FBXO36: variants seen among roughly 807,000 people sequenced by gnomAD.
FBXO36 encodes the protein F-box protein 36, also known as F-box only protein 36.
In FBXO36, 18 loss-of-function variants were observed where a neutral mutation model predicts 17.0. The observed-to-expected ratio is 1.06, with a 90% CI of 0.73 to 1.57. The LOEUF (loss-of-function observed/expected upper bound fraction) is 1.57. FBXO36 is among the 40% of genes most tolerant of loss of function. The pLI is 0.00. For missense variants in FBXO36, 229 were observed against 221.9 expected, an observed-to-expected ratio of 1.03 and a Z score of -0.20; for synonymous variants, 83 against 85.3, an observed-to-expected ratio of 0.97 and a Z score of 0.15.
intron 3 of FBXO36, among the ~76,000 whole-genome samples, chr2:230,007,441 C>T (rs1401860003): frequency 6.6e-6 from 1 of 152,112 alleles, no homozygotes; most frequent in African/African-American, 2.4e-5. Flanking sequence ...ATTCCCATGT[C>T]TGGCCAAGCA....
intron 2 of FBXO36, among the ~76,000 whole-genome samples, chr2:229,984,826 A>AT (rs1224240782): frequency 6.6e-6 from 1 of 152,080 alleles, no homozygotes; most frequent in Non-Finnish European, 1.5e-5. Context: ...ATTGATGGGC[A>AT]TTTTCGGATG....
intron 2 of FBXO36, among the ~76,000 whole-genome samples, chr2:229,983,289 C>T (rs2077250468): frequency 6.6e-6 from 1 of 151,890 alleles, no homozygotes; most frequent in South Asian, 2.1e-4. Flanking sequence ...GCAGGAGAAT[C>T]GCTTGAACCT....
chr2:229,947,629 T>C (rs2077034130), intron 1 of FBXO36, among the ~76,000 whole-genome samples: 1 of 152,194 alleles, frequency 6.6e-6, no homozygotes, highest in South Asian at 2.1e-4. Flanking sequence ...TTTGTCATGA[T>C]CCTCTAAAGT....
chr2:229,923,610 A>G (rs1238320869), intron 1 of FBXO36, among the ~76,000 whole-genome samples: 2 of 151,820 alleles, frequency 1.3e-5, no homozygotes, highest in African/African-American at 4.8e-5. Flanking sequence ...TAAAATATAA[A>G]TGTTAATATA....
chr2:230,008,352 C>G (rs1254420386), intron 3 of FBXO36, among the ~76,000 whole-genome samples: 1 of 152,066 alleles, frequency 6.6e-6, no homozygotes, highest in Non-Finnish European at 1.5e-5. Context: ...ATTCATGCAC[C>G]ACCACCGGGG....
intron 3 of FBXO36, among the ~76,000 whole-genome samples, chr2:230,007,084 G>T (rs1402882034): frequency 6.6e-6 from 1 of 152,246 alleles, no homozygotes; most frequent in Non-Finnish European, 1.5e-5. Flanking sequence ...CACCTGTCAG[G>T]GTGGGGCCAG....
chr2:229,997,577 CAAA>C (rs34921072), intron 3 of FBXO36, among the ~76,000 whole-genome samples: 12 of 94,398 alleles, frequency 1.3e-4, no homozygotes, highest in Admixed American at 1.2e-4. Flanking sequence ...GACTCTGACT[CAAA>C]AAAAAAAAAA....
At chr2:229,971,119 C>T (rs1050140132) in intron 1 of FBXO36, among the ~76,000 whole-genome samples, 4 of 152,030 alleles carry the variant, frequency 2.6e-5, no homozygotes, top group Non-Finnish European at 4.4e-5. Context: ...TTTGGTAGGC[C>T]GAGGCGGGCA....
At chr2:229,976,813 C>T (rs2077211221) in intron 2 of FBXO36, 1 of 151,166 alleles carries the variant, frequency 6.6e-6, no homozygotes, top group Non-Finnish European at 1.5e-5. Flanking sequence ...GAACAAAATT[C>T]TGTCTTAAAA....
chr2:229,998,800 A>ATT (rs1157314161), intron 3 of FBXO36, among the ~76,000 whole-genome samples: 29 of 132,176 alleles, frequency 2.2e-4, no homozygotes, highest in Non-Finnish European at 3.1e-4. Flanking sequence ...AAAAAACATA[A>ATT]TTTTTTTTTT....
chr2:229,971,953 C>T (rs1464034180), intron 1 of FBXO36, among the ~76,000 whole-genome samples: 4 of 150,844 alleles, frequency 2.7e-5, no homozygotes. Context: ...GCTGGGATTG[C>T]AGACATGAGC....
In FBXO36 at chr2:229,922,660, G is replaced by A. The variant is rs376734071; in HGVS notation, c.96+51G>A. 302 of 1,588,674 alleles carry A rather than the reference G, an allele frequency of 1.9e-4. No individual in the cohort carries two copies. The African/African-American group carries it at 3.1e-3, about 16-fold the overall frequency. ...CTCTCCTAACTCCCTACCTGGCCCG[G>A]TTGGGGCCCGGGACGCAGGCTGTGC... On this transcript the variant is annotated intron_variant, in intron 1 of 3. Coordinates refer to ENST00000283946, the MANE Select transcript of FBXO36 (RefSeq NM_174899.5).
At chr2:230,003,693 C>T (rs150192566) in intron 3 of FBXO36, among the ~76,000 whole-genome samples, 11 of 152,262 alleles carry the variant, frequency 7.2e-5, no homozygotes, top group South Asian at 6.2e-4. Flanking sequence ...CCACCACACC[C>T]GGCTAATTTT....
chr2:229,924,301 C>T (rs1314758948), intron 1 of FBXO36, among the ~76,000 whole-genome samples: 1 of 151,930 alleles, frequency 6.6e-6, no homozygotes, highest in Admixed American at 6.6e-5. Context: ...CCATTTTGGC[C>T]AGAGTGGTCT....
intron 1 of FBXO36, among the ~76,000 whole-genome samples, chr2:229,925,569 A>G (rs564878997): frequency 1.5e-4 from 23 of 152,016 alleles, no homozygotes; most frequent in African/African-American, 4.6e-4. Context: ...TTAATGTTGT[A>G]TATTATCCAA....
At position 230,010,761 on chromosome 2, in the gene FBXO36, C is replaced by T. The variant is rs575074627; in HGVS notation, c.444C>T (p.Asp148=). ...VQSTCDTITP[D]VRALAEDTGW... ...CGACCTGCGACACCATCACTCCTGA[C>T]GTGAGGGCCCTGGCGGAGGACACAG... The change falls in exon 4 of 4, where the codon GAC becomes GAT. Residue 148 remains aspartate, a synonymous_variant. Coordinates refer to ENST00000283946, the MANE Select transcript of FBXO36 (RefSeq NM_174899.5). 153 of 1,613,954 alleles carry T rather than the reference C, an allele frequency of 9.5e-5. No individual in the cohort carries two copies. The highest frequency in any genetic ancestry group is 4.2e-4 in the Admixed American group (25 of 60,012).
intron 2 of FBXO36, among the ~76,000 whole-genome samples, chr2:229,981,643 A>G (rs2077240432): frequency 6.9e-6 from 1 of 145,850 alleles, no homozygotes; most frequent in Non-Finnish European, 1.5e-5. Flanking sequence ...TCCAGGCTGT[A>G]GTGCGCTGTG....
intron 1 of FBXO36, among the ~76,000 whole-genome samples, chr2:229,961,954 G>A (rs963481672): frequency 2.6e-5 from 4 of 152,088 alleles, no homozygotes; most frequent in African/African-American, 9.7e-5. Context: ...GCAGAGCTGG[G>A]CCAATCACAT....
chr2:229,982,932 C>T (rs1000324022), intron 2 of FBXO36, among the ~76,000 whole-genome samples: 6 of 152,082 alleles, frequency 3.9e-5, no homozygotes, highest in Non-Finnish European at 8.8e-5. Context: ...ATTTATATTA[C>T]TAAATTGCAA....
Sources: gnomAD v4.1 joint callset for allele counts (sites outside exome capture counted in the v4.1 genomes callset) on GRCh38, gnomAD v4.1.1 for gene constraint, MANE v1.5 for transcripts, NCBI Gene and HGNC (gene_info 2026-07-23, HGNC 2026-07-21) for gene names.